The following ZNF804B variants were observed in gnomAD, a reference collection of about 807,000 sequenced individuals.
The protein encoded by ZNF804B is zinc finger 804B.
In ZNF804B, 80 loss-of-function variants were observed where a neutral mutation model predicts 101.4. The observed-to-expected ratio is 0.79, with a 90% CI of 0.66 to 0.95. The LOEUF is 0.95. ZNF804B is among the 40% of genes least tolerant of loss of function. ZNF804B has a pLI of 0.00. For missense variants in ZNF804B, 1,673 were observed against 1,561.9 expected, an observed-to-expected ratio of 1.07 and a Z score of -1.20; for synonymous variants, 622 against 558.8, an observed-to-expected ratio of 1.11 and a Z score of -1.59.
chr7:89,225,239 T>G (rs1789070738), intron 2 of ZNF804B, among the ~76,000 whole-genome samples: 1 of 152,096 alleles, frequency 6.6e-6, no homozygotes, highest in Non-Finnish European at 1.5e-5. Context: ...TTCAAGAACT[T>G]TGTGAGCTGG....
At chr7:88,854,427 CTTTCTTTCTTTCTTTCTTTCTTTCTTT>C (rs1791505617) in intron 1 of ZNF804B, among the ~76,000 whole-genome samples, 5 of 116,020 alleles carry the variant, frequency 4.3e-5, no homozygotes, top group African/African-American at 1.7e-4. Context: ...TTCTTTCTTT[CTTTCTTTCTTTCTTTCTTTCTTTCTTT>C]CTTTCTTTCT....
At position 89,011,028 on chromosome 7, in the gene ZNF804B, A is replaced by G. The variant is rs181198185; in HGVS notation, c.109-207127A>G. Among the ~76,000 whole-genome samples the G allele has an allele frequency of 2.6e-5, 4 of 152,300 alleles. No homozygotes were observed. In the East Asian group the frequency reaches 7.7e-4, roughly 29 times the overall value. ...ACCAGAGACTGGGTAATTTGTAAAG[A>G]AAAGAGATTCAATTGACTCAGAGTT... is the stretch of plus-strand genomic sequence containing the variant. On this transcript the variant is annotated intron_variant, in intron 1 of 3. Coordinates refer to ENST00000333190, the MANE Select transcript of ZNF804B (RefSeq NM_181646.5).
intron 1 of ZNF804B, among the ~76,000 whole-genome samples, chr7:88,798,433 C>G (rs1790524972): frequency 6.6e-6 from 1 of 152,048 alleles, no homozygotes; most frequent in Non-Finnish European, 1.5e-5. Flanking sequence ...ACTATCATTT[C>G]TGTAAGTCAA....
At chr7:89,179,324 G>A (rs758480329) in intron 1 of ZNF804B, among the ~76,000 whole-genome samples, 2 of 151,408 alleles carry the variant, frequency 1.3e-5, no homozygotes, top group Non-Finnish European at 2.9e-5. Context: ...TCCTACATTC[G>A]TAGGCATGTT....
chr7:89,185,183 C>T (rs17400494), intron 1 of ZNF804B, among the ~76,000 whole-genome samples: 36,863 of 152,038 alleles, frequency 0.24, 4,660 homozygotes, highest in Non-Finnish European at 0.27. Flanking sequence ...GTGAACAGAT[C>T]GATTTCAGAA....
At chr7:89,170,030 C>T (rs1791200988) in intron 1 of ZNF804B, among the ~76,000 whole-genome samples, 1 of 152,226 alleles carries the variant, frequency 6.6e-6, no homozygotes, top group African/African-American at 2.4e-5. Flanking sequence ...TTTTAATACA[C>T]TTCAAATATA....
rs71120056 is a variant in ZNF804B, at chr7:89,092,408, G to GTTTT, written c.109-125728_109-125725dup. 4.5e-3 allele frequency among the ~76,000 whole-genome samples: 425 copies of GTTTT among 93,806 alleles called. 32 individuals carry two copies. The highest frequency in any genetic ancestry group is 8.0e-3 in the East Asian group (22 of 2,748). The allele number at this position is 93,806 out of a possible 152,430, so 61.5% of individuals were successfully genotyped here. ...CTAACATTGATTTCTTTTCTTTTCT[G>GTTTT]TTTTTTTTTTTTTTTTTTTTTTGAG... On this transcript the variant is annotated intron_variant, in intron 1 of 3. Transcript: ENST00000333190.
intron 1 of ZNF804B, among the ~76,000 whole-genome samples, chr7:89,177,509 A>C (rs1791338960): frequency 6.6e-6 from 1 of 152,122 alleles, no homozygotes; most frequent in South Asian, 2.1e-4. Flanking sequence ...GAATGTTTTA[A>C]TGCTCGTTTT....
At chr7:88,996,496 A>G (rs1047043840) in intron 1 of ZNF804B, among the ~76,000 whole-genome samples, 2 of 152,050 alleles carry the variant, frequency 1.3e-5, no homozygotes, top group East Asian at 1.9e-4. Flanking sequence ...ATGGTTGTCT[A>G]TCTTTCTCAA....
At chr7:89,156,024 C>CTTTCTT in intron 1 of ZNF804B, among the ~76,000 whole-genome samples, 1 of 30,762 alleles carries the variant, frequency 3.3e-5, no homozygotes, top group South Asian at 1.0e-3. Context: ...TCTTTCCTTT[C>CTTTCTT]TTTCTTTCTT....
At chr7:88,945,306 T>C (rs1793111716) in intron 1 of ZNF804B, among the ~76,000 whole-genome samples, 1 of 152,136 alleles carries the variant, frequency 6.6e-6, no homozygotes, top group Non-Finnish European at 1.5e-5. Context: ...TTTCTGTAGA[T>C]GGCTAGCCAG....
chr7:88,833,796 A>G (rs1791167356), intron 1 of ZNF804B, among the ~76,000 whole-genome samples: 1 of 151,758 alleles, frequency 6.6e-6, no homozygotes, highest in African/African-American at 2.4e-5. Flanking sequence ...ACTTGGGGTG[A>G]TTTTCTTAAG....
At chr7:88,989,717 A>T (rs1793816450) in intron 1 of ZNF804B, among the ~76,000 whole-genome samples, 1 of 152,130 alleles carries the variant, frequency 6.6e-6, no homozygotes, top group Admixed American at 6.6e-5. Flanking sequence ...ATGACAAGAA[A>T]CCAAAGTAGC....
intron 1 of ZNF804B, among the ~76,000 whole-genome samples, chr7:89,046,161 G>A (rs1789102461): frequency 6.7e-6 from 1 of 149,694 alleles, no homozygotes; most frequent in Non-Finnish European, 1.5e-5. Flanking sequence ...ATCATGTGAA[G>A]AAGGGTGTTT....
At chr7:88,953,072 G>T (rs987405719) in intron 1 of ZNF804B, among the ~76,000 whole-genome samples, 1 of 151,744 alleles carries the variant, frequency 6.6e-6, no homozygotes, top group African/African-American at 2.4e-5. Context: ...TGAGTTATTT[G>T]TCTGGTCCAC....
At chr7:88,887,549 T>C (rs1792146723) in intron 1 of ZNF804B, among the ~76,000 whole-genome samples, 1 of 152,150 alleles carries the variant, frequency 6.6e-6, no homozygotes, top group Admixed American at 6.5e-5. Flanking sequence ...TATTCCTTGT[T>C]CTTGCTAGCT....
chr7:88,862,925 C>T lies in ZNF804B; in HGVS notation c.108+102841C>T, dbSNP rs752850317. ...CTGTATCAATGCAGTGCTCTCTATT[C>T]GTCATCCCACATCTCACTGCAGTTA... On this transcript the variant is annotated intron_variant, in intron 1 of 3. Transcript: ENST00000333190. 2.0e-5 allele frequency among the ~76,000 whole-genome samples: 3 copies of T among 152,232 alleles called. No individual in the cohort carries two copies. In the South Asian group the frequency reaches 6.2e-4, roughly 32 times the overall value.
intron 1 of ZNF804B, among the ~76,000 whole-genome samples, chr7:89,082,304 G>T (rs1363632473): frequency 6.6e-6 from 1 of 151,466 alleles, no homozygotes; most frequent in Non-Finnish European, 1.5e-5. Flanking sequence ...TATATTTACT[G>T]GTTAGGCTTT....
rs185843273 is a variant in ZNF804B at position 89,159,365 on chromosome 7, C to T, written c.109-58790C>T. Among the ~76,000 whole-genome samples, 26 of 151,968 alleles carry T rather than the reference C, an allele frequency of 1.7e-4. No homozygotes were observed. The East Asian group carries it at 4.5e-3, about 26-fold the overall frequency. On this transcript the variant is annotated intron_variant, in intron 1 of 3. Coordinates refer to ENST00000333190, the MANE Select transcript of ZNF804B (RefSeq NM_181646.5). ...AGAGACCCTGTTAAAGTGAATTGAG[C>T]AAGGGCTTTAGAAATAGAACTGGAT...
Sources: gnomAD v4.1 joint callset for allele counts (sites outside exome capture counted in the v4.1 genomes callset) on GRCh38, gnomAD v4.1.1 for gene constraint, MANE v1.5 for transcripts, NCBI Gene and HGNC (gene_info 2026-07-23, HGNC 2026-07-21) for gene names.